The following AAK1 variants were observed in gnomAD, a reference collection of about 807,000 sequenced individuals.
AAK1 encodes AP2-associated protein kinase 1.
Under a neutral mutation model 116.0 loss-of-function variants are expected in AAK1, and 37 were observed. The ratio of observed to expected loss-of-function variants is 0.32; its 90% CI spans 0.25 to 0.42. The LOEUF (loss-of-function observed/expected upper bound fraction) is 0.42, where lower values mean the gene tolerates loss of function less well. AAK1 is among the 10% of genes least tolerant of loss of function. The pLI is 1.00. For missense variants in AAK1, 919 were observed against 1,170.6 expected, an observed-to-expected ratio of 0.79 and a Z score of 3.14; for synonymous variants, 458 against 439.9, an observed-to-expected ratio of 1.04 and a Z score of -0.51.
Position 69,459,105 on chromosome 2 carries a change from C to CT in AAK1, c.*16763dup, listed in dbSNP as rs1289837531. On this transcript the variant is annotated 3_prime_UTR_variant, in exon 22 of 22. Transcript: ENST00000409085. ...GTTACCATGTAGCCATTTTTACCAG[C>CT]TATTCTAGAGTCCCTTCACACATAA... is the stretch of plus-strand genomic sequence containing the variant. The CT allele has an allele frequency of 6.6e-6, 1 of 152,156 alleles. No homozygotes were observed. The highest frequency in any genetic ancestry group is 1.5e-5 in the Non-Finnish European group (1 of 68,036). 9.4% of individuals were successfully genotyped at this position (152,156 alleles called of 1,614,324 possible).
chr2:69,533,612 G>A (rs1278864252), intron 5 of AAK1, among the ~76,000 whole-genome samples: 1 of 152,192 alleles, frequency 6.6e-6, no homozygotes, highest in Non-Finnish European at 1.5e-5. Context: ...GTTGTGAGGA[G>A]CTTTTTGTTT....
chr2:69,639,394 C>A (rs1158703005), intron 2 of AAK1, among the ~76,000 whole-genome samples: 1 of 152,148 alleles, frequency 6.6e-6, no homozygotes, highest in Non-Finnish European at 1.5e-5. Context: ...CATGATTTAG[C>A]TTCTCATCAT....
intron 8 of AAK1, among the ~76,000 whole-genome samples, chr2:69,529,417 A>G (rs1055894161): frequency 3.3e-5 from 5 of 152,206 alleles, no homozygotes; most frequent in African/African-American, 1.2e-4. Context: ...TTTTCTTTAA[A>G]GATTACTTAT....
intron 2 of AAK1, among the ~76,000 whole-genome samples, chr2:69,600,593 G>A (rs1180391421): frequency 6.6e-6 from 1 of 152,108 alleles, no homozygotes; most frequent in African/African-American, 2.4e-5. Context: ...GGCTTCTTAC[G>A]GATGGGCAAA....
chr2:69,507,446 G>C lies in AAK1; in HGVS notation c.2139C>G (p.Asn713Lys). Residue 713 changes from asparagine to lysine, a missense_variant, in exon 15 of 22, where the codon AAC becomes AAG. Around this residue, in one of 4 missense-constraint regions of AAK1, gnomAD observed 125 missense variants for 184.1 expected, o/e 0.68. Coordinates refer to ENST00000409085, the MANE Select transcript of AAK1 (RefSeq NM_014911.5). ...CTTCCCCAAGCTTGGCAAAGTCCTT[G>C]TTTAGCAGTTCTTCAGCTGTGAGTT... Reference protein sequence around the residue: ...FSKLTAEELLNKDFAKLGEGK... With the variant: ...FSKLTAEELLKKDFAKLGEGK... 1.9e-6 allele frequency: 3 copies of C among 1,612,870 alleles called. No homozygotes were observed. The highest frequency in any genetic ancestry group is 2.5e-6 in the Non-Finnish European group (3 of 1,179,446).
chr2:69,511,724 T>C (rs2104974646), intron 13 of AAK1, among the ~76,000 whole-genome samples: 1 of 152,332 alleles, frequency 6.6e-6, no homozygotes, highest in South Asian at 2.1e-4. Flanking sequence ...GCATTTTACA[T>C]CCGAAGTTGT....
Position 69,526,454 on chromosome 2 carries a change from C to T in AAK1, c.975+762G>A, listed in dbSNP as rs564242482. On this transcript the variant is annotated intron_variant, in intron 9 of 21. Transcript: ENST00000409085. ...AATAAAATATTTAAGAAAAATAAAT[C>T]ACAATATGACATGAAAAATATGCAA... 8.5e-5 allele frequency among the ~76,000 whole-genome samples: 13 copies of T among 152,166 alleles called. No homozygotes were observed. In the East Asian group the frequency reaches 2.3e-3, roughly 27 times the overall value.
intron 2 of AAK1, among the ~76,000 whole-genome samples, 168 bp from the exon 3 acceptor site, chr2:69,557,146 T>C (rs3821277): frequency 0.53 from 80,301 of 151,968 alleles, 23,114 homozygotes; most frequent in East Asian, 0.78. Flanking sequence ...TCTCAGAACT[T>C]GGAGATATTA....
At chr2:69,548,404 A>G (rs1326252475) in intron 3 of AAK1, among the ~76,000 whole-genome samples, 1 of 152,016 alleles carries the variant, frequency 6.6e-6, no homozygotes, top group Non-Finnish European at 1.5e-5. Context: ...CAGCCTTCTG[A>G]CAAGCTTTCC....
chr2:69,597,117 C>A (rs1673333812), intron 2 of AAK1, among the ~76,000 whole-genome samples: 2 of 151,802 alleles, frequency 1.3e-5, no homozygotes, highest in Admixed American at 6.6e-5. Context: ...TTAGCTAGTG[C>A]TTTAATCTCA....
intron 2 of AAK1, among the ~76,000 whole-genome samples, chr2:69,567,842 A>G (rs2105111072): frequency 6.6e-6 from 1 of 152,306 alleles, no homozygotes; most frequent in South Asian, 2.1e-4. Flanking sequence ...CTTGTCCTAC[A>G]CACTATTGCT....
At position 69,474,706 on chromosome 2, in the gene AAK1, A is replaced by G; in HGVS notation, c.*1163T>C. Reference sequence around the variant, plus strand: ...TGAAAATAAACAACATGCTTATTCTAGAGACAGAGGACCTGCTGAAAGCTT... The same window carrying G: ...TGAAAATAAACAACATGCTTATTCTGGAGACAGAGGACCTGCTGAAAGCTT... On this transcript the variant is annotated 3_prime_UTR_variant, in exon 22 of 22. Coordinates refer to ENST00000409085, the MANE Select transcript of AAK1 (RefSeq NM_014911.5). 1 of 985,850 alleles carries G rather than the reference A, an allele frequency of 1.0e-6. No homozygotes were observed. The highest frequency in any genetic ancestry group is 1.7e-5 in the African/African-American group (1 of 57,358). The allele number at this position is 985,850 out of a possible 1,614,324, so 61.1% of individuals were successfully genotyped here.
chr2:69,586,906 C>A (rs1290692367), intron 2 of AAK1, among the ~76,000 whole-genome samples: 1 of 152,068 alleles, frequency 6.6e-6, no homozygotes, highest in African/African-American at 2.4e-5. Flanking sequence ...CACAGGTGAG[C>A]CTAATAGGCA....
At chr2:69,498,859 T>C (rs1273478634) in intron 16 of AAK1, among the ~76,000 whole-genome samples, 2 of 152,202 alleles carry the variant, frequency 1.3e-5, no homozygotes, top group African/African-American at 2.4e-5. Context: ...TGTGTGATGC[T>C]TACCATTCCT....
chr2:69,581,265 C>T (rs1373558864), intron 2 of AAK1, among the ~76,000 whole-genome samples: 4 of 152,156 alleles, frequency 2.6e-5, no homozygotes, highest in African/African-American at 9.7e-5. Context: ...AGGCACACGC[C>T]ACCACACCCA....
intron 19 of AAK1, among the ~76,000 whole-genome samples, chr2:69,480,250 G>A (rs55896260): frequency 0.037 from 4,792 of 130,970 alleles, 109 homozygotes; most frequent in Middle Eastern, 0.056. Flanking sequence ...TTTATCAAGG[G>A]AATTATGGAC....
rs778983564 is a variant in AAK1 at position 69,507,566 on chromosome 2, G to T, written c.2019C>A (p.Thr673=). 6.2e-7 allele frequency: 1 copy of T among 1,609,934 alleles called. No individual in the cohort carries two copies. The highest frequency in any genetic ancestry group is 8.5e-7 in the Non-Finnish European group (1 of 1,177,914). Residue 673 remains threonine (T), a synonymous_variant, in exon 15 of 22, where the codon ACC becomes ACA. Transcript: ENST00000409085. ...AGGTCCGAGGAGAGCCTGATGGAGT[G>T]GTGGTTGCAGACCTAGGTAGGTTCC... ...ASLNKSKSAT[T]TPSGSPRTSQ... is the part of the protein sequence containing the mutation.
At chr2:69,544,354 C>T (rs764834858) in intron 4 of AAK1, 82 bp downstream of exon 4, 18 of 1,079,056 alleles carry the variant, frequency 1.7e-5, no homozygotes, top group Admixed American at 5.6e-5. Context: ...GTGCAGTGCA[C>T]ATTAAGTGAA....
chr2:69,533,723 G>A (rs1670351272), intron 5 of AAK1, among the ~76,000 whole-genome samples: 1 of 152,092 alleles, frequency 6.6e-6, no homozygotes, highest in South Asian at 2.1e-4. Context: ...GTGTAGCTGG[G>A]GGCACTACTA....
Sources: gnomAD v4.1 joint callset for allele counts (sites outside exome capture counted in the v4.1 genomes callset) on GRCh38, gnomAD v4.1.1 for gene constraint, gnomAD v4.1.1 regional missense constraint, MANE v1.5 for transcripts, NCBI Gene and HGNC (gene_info 2026-07-23, HGNC 2026-07-21) for gene names.